Variants in ALS2CL observed in about 807,000 individuals in gnomAD.
ALS2CL encodes the protein ALS2 C-terminal-like protein.
Under a neutral mutation model 127.9 loss-of-function variants are expected in ALS2CL, and 112 were observed. The ratio of observed to expected loss-of-function variants is 0.88; its 90% CI spans 0.75 to 1.02. ALS2CL has a LOEUF of 1.02. Ranked by LOEUF, ALS2CL falls within the 50% of genes least tolerant of loss-of-function variation. The pLI, the probability that ALS2CL is intolerant of heterozygous loss-of-function variation, is 0.00. For missense variants in ALS2CL, 1,174 were observed against 1,236.7 expected (o/e 0.95, Z 0.76); for synonymous variants, 519 against 527.6 (o/e 0.98, Z 0.22).
rs1234380224 is a variant in ALS2CL, at chr3:46,681,208, C to T, written c.1436+38G>A. 3 of 1,613,254 alleles carry T rather than the reference C, an allele frequency of 1.9e-6. No homozygotes were observed. The highest frequency in any genetic ancestry group is 2.7e-5 in the African/African-American group (2 of 74,902). On this transcript the variant is annotated intron_variant, in intron 13 of 25. Coordinates refer to ENST00000318962, the MANE Select transcript of ALS2CL (RefSeq NM_147129.5). This position sits in a 1 kb window ranked among gnomAD's most constrained non-coding sequence, Gnocchi z 4.9. ...ATCTGGTCTGTGAGGGCCCGGTCCA[C>T]CCCTCCGTCCTGGGAGTGGTGGCTG...
At chr3:46,685,665 G>A (rs1474871801) in intron 6 of ALS2CL, 21 bp from the exon 7 acceptor site, 1 of 1,607,400 alleles carries the variant, frequency 6.2e-7, no homozygotes, top group Non-Finnish European at 8.5e-7. Context: ...AAAGAGGACA[G>A]TACAAGGCTT....
rs1699886471 is a variant in ALS2CL at position 46,687,621 on chromosome 3, T to C, written c.366A>G (p.Arg122=). The C allele has an allele frequency of 6.2e-7, 1 of 1,613,094 alleles. No individual in the cohort carries two copies. Among genetic ancestry groups the C allele is most frequent in the Non-Finnish European group, 8.5e-7 (1 of 1,179,644 alleles). ...CAGTGCACCAGCCCTGTGCTCACCT[T>C]CTCCTCTTTGCTGCCTTCTGGAAGG... ...VQAFQKAAKR[R]SEYWRGQRKA... is the part of the protein sequence containing the mutation. The change falls in exon 4 of 26, where the codon AGA becomes AGG. Residue 122 remains arginine (R), a splice_region_variant and synonymous_variant. Transcript: ENST00000318962.
At chr3:46,673,235 CAGCT>C in intron 22 of ALS2CL, 100 bp downstream of exon 22, 2 of 1,071,338 alleles carry the variant, frequency 1.9e-6, no homozygotes, top group Non-Finnish European at 2.6e-6. Flanking sequence ...TGCCCCTCCC[CAGCT>C]CCTCTGCAGC....
chr3:46,687,867 G>A (rs1699902869), intron 3 of ALS2CL, among the ~76,000 whole-genome samples, 183 bp from the exon 4 acceptor site: 1 of 152,180 alleles, frequency 6.6e-6, no homozygotes, highest in African/African-American at 2.4e-5. Context: ...CTAACATACA[G>A]TCTGTCTTCC....
chr3:46,679,419 C>T lies in ALS2CL; in HGVS notation c.1549-132G>A, dbSNP rs575502999. 5.9e-5 allele frequency: 46 copies of T among 777,200 alleles called. 1 individual carries two copies. Among genetic ancestry groups the T allele is most frequent in the Admixed American group, 9.3e-5 (4 of 42,934 alleles). The allele number at this position is 777,200 out of a possible 1,614,324, so 48.1% of individuals were successfully genotyped here. ...GCGAGAGGGGCCCTGAGCCTCATCA[C>T]GCCCCACAGGACTGTACCTAATTGG... is the stretch of plus-strand genomic sequence containing the variant. On this transcript the variant is annotated intron_variant, in intron 14 of 25. Transcript: ENST00000318962.
At chr3:46,690,434 G>A (rs1339533416) in intron 1 of ALS2CL, among the ~76,000 whole-genome samples, 1 of 152,128 alleles carries the variant, frequency 6.6e-6, no homozygotes, top group African/African-American at 2.4e-5. Flanking sequence ...TTCCTGCCCT[G>A]GAGTGAGGGA....
intron 18 of ALS2CL, 69 bp downstream of exon 18, chr3:46,676,573 A>G: frequency 6.4e-7 from 1 of 1,574,308 alleles, no homozygotes; most frequent in Non-Finnish European, 8.7e-7. Context: ...TGCTATGAAA[A>G]ATGGGAGCCC....
At chr3:46,682,224 G>T in intron 10 of ALS2CL, 130 bp from the exon 11 acceptor site, 1 of 958,588 alleles carries the variant, frequency 1.0e-6, no homozygotes. Context: ...CAGCCCTCTT[G>T]TCTGAGCTCC....
chr3:46,674,416 G>T, intron 21 of ALS2CL, 150 bp downstream of exon 21: 1 of 1,049,096 alleles, frequency 9.5e-7, no homozygotes, highest in Non-Finnish European at 1.4e-6. Context: ...TCATTCAGTT[G>T]AACACCTAGA....
Position 46,680,452 on chromosome 3 carries a change from G to C in ALS2CL, c.1526C>G (p.Thr509Ser). 6.2e-7 allele frequency: 1 copy of C among 1,613,506 alleles called. No homozygotes were observed. Among genetic ancestry groups the C allele is most frequent in the Non-Finnish European group, 8.5e-7 (1 of 1,180,018 alleles). ...VTQAGVCYQG[T>S]FQADKTVGPG... ...CACCACCGTCTTGTCCGCCTGGAAG[G>C]TGCCCTGGTAGCAGACACCTGCCTG... Residue 509 changes from threonine (T) to serine (S), a missense_variant, in exon 14 of 26, where the codon ACC becomes AGC. Transcript: ENST00000318962.
chr3:46,678,377 A>T lies in ALS2CL; in HGVS notation c.1639T>A (p.Phe547Ile). Residue 547 changes from phenylalanine (F) to isoleucine (I), a missense_variant, in exon 16 of 26, where the codon TTC becomes ATC. Transcript: ENST00000318962. ...CCCTCCAGGGTGAAGCCATTGGGGA[A>T]GGTGACCTTGCCCTGGGAGCCAGGA... ...LTLMGKGKVT[F>I]PNGFTLEGSF... 6.2e-7 allele frequency: 1 copy of T among 1,612,090 alleles called. No individual in the cohort carries two copies. The highest frequency in any genetic ancestry group is 1.3e-5 in the African/African-American group (1 of 75,044).
intron 7 of ALS2CL, 113 bp from the exon 8 acceptor site, chr3:46,684,160 C>T: frequency 8.1e-7 from 1 of 1,228,692 alleles, no homozygotes; most frequent in South Asian, 1.3e-5. Context: ...GCTATTCTGC[C>T]CAGCATGTCC....
chr3:46,673,254 G>A (rs1009836766), intron 22 of ALS2CL, 85 bp downstream of exon 22: 88 of 790,138 alleles, frequency 1.1e-4, no homozygotes, highest in Non-Finnish European at 1.5e-4. Flanking sequence ...TGCAGCCTCC[G>A]CCCAGCAATC....
chr3:46,671,399 A>C, intron 25 of ALS2CL, 89 bp downstream of exon 25: 1 of 1,566,512 alleles, frequency 6.4e-7, no homozygotes, highest in Non-Finnish European at 8.7e-7. Flanking sequence ...GCTCCCTCCC[A>C]CTATGGTGTT....
rs1264023496 is a variant in ALS2CL, at chr3:46,669,107, C to T, written c.*1877G>A. ...AGTGCAGAGGTGCGATCTCCGCTCA[C>T]TGCAACCTCGACCCTCCAGGCTCAG... On this transcript the variant is annotated 3_prime_UTR_variant, in exon 26 of 26. Coordinates refer to ENST00000318962, the MANE Select transcript of ALS2CL (RefSeq NM_147129.5). 6.6e-6 allele frequency: 1 copy of T among 152,128 alleles called. No individual in the cohort carries two copies. The highest frequency in any genetic ancestry group is 2.4e-5 in the African/African-American group (1 of 41,426). 9.4% of individuals were successfully genotyped at this position (152,128 alleles called of 1,614,324 possible).
rs1699229650 is a variant in ALS2CL, at chr3:46,680,495, G to A, written c.1483C>T (p.Pro495Ser). The change falls in exon 14 of 26, where the codon CCA (proline) becomes TCA (serine). Residue 495 changes from proline to serine, a missense_variant. Physicochemically the swap from Pro to Ser is moderately conservative, Grantham distance 74. Transcript: ENST00000318962. ...GMWQAGQRHG[P>S]GVMVTQAGVC... ...CCTGCCTGGGTGACCATGACCCCTGGGCCGTGGCGCTGACCAGCCTGCCAC... is the reference window on the plus strand; with the variant it reads ...CCTGCCTGGGTGACCATGACCCCTGAGCCGTGGCGCTGACCAGCCTGCCAC... 6.2e-7 allele frequency: 1 copy of A among 1,613,294 alleles called. No individual in the cohort carries two copies. Among genetic ancestry groups the A allele is most frequent in the Non-Finnish European group, 8.5e-7 (1 of 1,180,014 alleles).
Position 46,681,613 on chromosome 3 carries a change from G to A in ALS2CL, c.1176-15C>T. 1.2e-6 allele frequency: 2 copies of A among 1,613,666 alleles called. No homozygotes were observed. The highest frequency in any genetic ancestry group is 1.7e-6 in the Non-Finnish European group (2 of 1,179,692). ...GGATGCCGAAGCTGACAGCATGGTT[G>A]TGGGGGTGGGGATCAGCCCTGACCT... On this transcript the variant is annotated splice_polypyrimidine_tract_variant and intron_variant, in intron 11 of 25. Transcript: ENST00000318962. This position sits in a 1 kb window ranked among gnomAD's most constrained non-coding sequence, Gnocchi z 4.9.
chr3:46,680,426 TCAC>T lies in ALS2CL; in HGVS notation c.1548+1_1548+3del. The T allele has an allele frequency of 6.2e-7, 1 of 1,612,396 alleles. No individual in the cohort carries two copies. The highest frequency in any genetic ancestry group is 8.5e-7 in the Non-Finnish European group (1 of 1,179,668). On this transcript the variant is annotated splice_donor_variant and splice_donor_region_variant and intron_variant, in intron 14 of 25. Transcript: ENST00000318962. LOFTEE classifies it high-confidence loss of function. ...AGGGATAGCCCAGGATACACTCCAC[TCAC>T]CACCGTCTTGTCCGCCTGGAAGGTG...
At chr3:46,683,619 G>A (rs1474558914) in intron 9 of ALS2CL, among the ~76,000 whole-genome samples, 163 bp downstream of exon 9, 2 of 152,134 alleles carry the variant, frequency 1.3e-5, no homozygotes, top group East Asian at 1.9e-4. Context: ...TGTTCTTTTT[G>A]ACATTCTAAT....
Sources: allele counts gnomAD v4.1 joint callset (sites outside exome capture counted in the v4.1 genomes callset), GRCh38; gene constraint gnomAD v4.1.1; non-coding constraint Gnocchi (gnomAD v3.1); transcripts MANE v1.5; gene names NCBI Gene and HGNC (gene_info 2026-07-23, HGNC 2026-07-21).